Variants in GFPT2 observed in about 807,000 individuals in gnomAD.
GFPT2 encodes the protein glutamine--fructose-6-phosphate transaminase 2.
In GFPT2, 62 loss-of-function variants were observed where a neutral mutation model predicts 85.6. The observed-to-expected ratio is 0.72, with a 90% CI of 0.59 to 0.90. The LOEUF (loss-of-function observed/expected upper bound fraction) is 0.90. Ranked by LOEUF, GFPT2 falls within the 40% of genes least tolerant of loss-of-function variation. GFPT2 has a pLI of 0.00. For missense variants in GFPT2, 788 were observed against 893.4 expected (o/e 0.88, Z 1.50); for synonymous variants, 368 against 344.5 (o/e 1.07, Z -0.75).
In GFPT2 at chr5:180,328,404, C is replaced by T; in HGVS notation, c.535-66G>A. Reference sequence around the variant, plus strand: ...GCCGCTGCTGCAGCCTGGCCACAGCCCAGGTGCGTCTCCCTGGGCCCCTCC... The same window carrying T: ...GCCGCTGCTGCAGCCTGGCCACAGCTCAGGTGCGTCTCCCTGGGCCCCTCC... On this transcript the variant is annotated intron_variant, in intron 6 of 18. Coordinates refer to ENST00000253778, the MANE Select transcript of GFPT2 (RefSeq NM_005110.4). This position sits in a 1 kb window ranked among gnomAD's most constrained non-coding sequence, Gnocchi z 5.4. 7.9e-7 allele frequency: 1 copy of T among 1,273,240 alleles called. No individual in the cohort carries two copies. The highest frequency in any genetic ancestry group is 2.3e-5 in the East Asian group (1 of 43,294). The allele number at this position is 1,273,240 out of a possible 1,614,324, so 78.9% of individuals were successfully genotyped here. A position where few individuals can be genotyped will look rare whatever the true frequency, so the allele number is the denominator to read the frequency against.
At chr5:180,314,446 A>G (rs116018344) in intron 13 of GFPT2, among the ~76,000 whole-genome samples, 1,761 of 152,348 alleles carry the variant, frequency 0.012, 30 homozygotes, top group African/African-American at 0.04. Flanking sequence ...CAAGCCTCTC[A>G]GTGTGGACTC....
At chr5:180,350,054 C>G (rs1034588902) in intron 1 of GFPT2, among the ~76,000 whole-genome samples, 1 of 152,134 alleles carries the variant, frequency 6.6e-6, no homozygotes, top group East Asian at 1.9e-4. Flanking sequence ...CTGCCACCCC[C>G]TCCTCTCTGC....
At position 180,330,741 on chromosome 5, in the gene GFPT2, T is replaced by C; in HGVS notation, c.493A>G (p.Ile165Val). 2 of 1,613,208 alleles carry C rather than the reference T, an allele frequency of 1.2e-6. No homozygotes were observed. The highest frequency in any genetic ancestry group is 1.7e-6 in the Non-Finnish European group (2 of 1,179,096). ...YVFDNRETED[I>V]TFSTLVERVI... ...CTCTCGACCAACGTTGAAAACGTAA[T>C]GTCCTCAGTTTCTCTGTTGTCGAAC... The change falls in exon 6 of 19, where the codon ATT (isoleucine) becomes GTT (valine). Residue 165 changes from isoleucine (I) to valine (V), a missense_variant. By Grantham distance (29) the Ile-to-Val change is conservative (BLOSUM62 3). Transcript: ENST00000253778. The surrounding 1 kb of genome is among the most constrained non-coding windows in gnomAD (Gnocchi z 4.4).
intron 17 of GFPT2, among the ~76,000 whole-genome samples, chr5:180,304,262 C>G (rs1279316164): frequency 6.6e-6 from 1 of 152,198 alleles, no homozygotes; most frequent in East Asian, 1.9e-4. Context: ...CTCCTGAGTT[C>G]TATGGGTCGT....
intron 3 of GFPT2, 138 bp from the exon 4 acceptor site, chr5:180,336,091 C>A (rs1764389030): frequency 1.1e-5 from 8 of 730,036 alleles, no homozygotes; most frequent in Non-Finnish European, 1.8e-5. Context: ...CCCTGGGAGT[C>A]CGCGCAGGCC....
intron 4 of GFPT2, among the ~76,000 whole-genome samples, chr5:180,332,387 T>C (rs1764321172): frequency 6.6e-6 from 1 of 152,184 alleles, no homozygotes; most frequent in Admixed American, 6.5e-5. Context: ...GGCAAGTAGC[T>C]CCGTTTCCCT....
chr5:180,336,705 A>G (rs1764408468), intron 2 of GFPT2, 128 bp from the exon 3 acceptor site: 1 of 715,854 alleles, frequency 1.4e-6, no homozygotes, highest in South Asian at 1.6e-5. Context: ...AGAGCTGTAC[A>G]GTTTTCAGGA....
At chr5:180,327,941 C>T (rs1764238704) in intron 7 of GFPT2, among the ~76,000 whole-genome samples, 1 of 152,196 alleles carries the variant, frequency 6.6e-6, no homozygotes, top group Admixed American at 6.5e-5. Flanking sequence ...GGGGGGCCCA[C>T]ATTGTACAGG....
intron 1 of GFPT2, among the ~76,000 whole-genome samples, chr5:180,342,076 A>T (rs1308588762): frequency 6.6e-6 from 1 of 152,048 alleles, no homozygotes; most frequent in Non-Finnish European, 1.5e-5. Flanking sequence ...GGTTTTATAA[A>T]GGGGAGCTTC....
intron 1 of GFPT2, among the ~76,000 whole-genome samples, chr5:180,349,030 G>A (rs1171892414): frequency 2.0e-5 from 3 of 150,308 alleles, no homozygotes; most frequent in Non-Finnish European, 4.4e-5. Context: ...GTGAGTCCCC[G>A]TGCCCGGCCA....
chr5:180,353,311 CTCCGT>C lies in GFPT2; in HGVS notation c.-99_-95del, dbSNP rs1412720877. The C allele has an allele frequency of 2.8e-5, 27 of 970,130 alleles. No homozygotes were observed. In the African/African-American group the frequency reaches 2.9e-4, roughly 10 times the overall value. The allele number at this position is 970,130 out of a possible 1,614,324, so 60.1% of individuals were successfully genotyped here. On this transcript the variant is annotated 5_prime_UTR_variant, in exon 1 of 19. Transcript: ENST00000253778. ...TGGGCTCCTCCGTGGGCTCCGTGGG[CTCCGT>C]GGGCTCCGCGGGCTCCAGCTCCCGT...
chr5:180,310,864 A>AT (rs1366441356), intron 15 of GFPT2, among the ~76,000 whole-genome samples: 6 of 129,028 alleles, frequency 4.7e-5, no homozygotes, highest in East Asian at 2.3e-4. Context: ...AAAAAAAAAA[A>AT]TTTTTAGTAT....
chr5:180,322,964 G>A (rs889129968), intron 9 of GFPT2, among the ~76,000 whole-genome samples: 55 of 151,082 alleles, frequency 3.6e-4, no homozygotes, highest in Non-Finnish European at 3.7e-4. Flanking sequence ...GAACCCAGGA[G>A]GCGGAGCTTG....
chr5:180,329,481 T>C (rs946479890), intron 6 of GFPT2, among the ~76,000 whole-genome samples: 6 of 152,150 alleles, frequency 3.9e-5, no homozygotes, highest in Admixed American at 6.5e-5. Flanking sequence ...AAAATAAAAA[T>C]GGAAAAGAAG....
chr5:180,336,536 GTCTT>G lies in GFPT2; in HGVS notation c.153_156del (p.Glu51AspfsTer27), dbSNP rs1417470261. ...CCCCTTTTCTTGACCAGCTGAATGT[GTCTT>G]TCTTTGACTTCGTGATTATTCCCAT... On this transcript the variant is annotated frameshift_variant, in exon 3 of 19. Transcript: ENST00000253778. LOFTEE classifies it high-confidence loss of function. 1.9e-6 allele frequency: 3 copies of G among 1,612,014 alleles called. No individual in the cohort carries two copies. The highest frequency in any genetic ancestry group is 2.2e-5 in the East Asian group (1 of 44,868).
intron 9 of GFPT2, among the ~76,000 whole-genome samples, chr5:180,321,631 T>C (rs7707082): frequency 0.19 from 28,987 of 152,292 alleles, 3,012 homozygotes; most frequent in East Asian, 0.36. Flanking sequence ...AGCTGGACAG[T>C]GTGCTCACAT....
rs1455368706 is a variant in GFPT2 at position 180,330,321 on chromosome 5, CAA to C, written c.534+377_534+378del. On this transcript the variant is annotated intron_variant, in intron 6 of 18. Coordinates refer to ENST00000253778, the MANE Select transcript of GFPT2 (RefSeq NM_005110.4). The surrounding 1 kb of genome is among the most constrained non-coding windows in gnomAD (Gnocchi z 4.4). ...TGTGCAACAGAGTGAGACTCTGTCTCAAAAAAGAAAAACCTAGAAACACATCC... is the reference window on the plus strand; with the variant it reads ...TGTGCAACAGAGTGAGACTCTGTCTCAAAAGAAAAACCTAGAAACACATCC... Among the ~76,000 whole-genome samples the C allele has an allele frequency of 6.6e-6, 1 of 152,028 alleles. No individual in the cohort carries two copies.
chr5:180,322,732 T>A (rs1360876414), intron 9 of GFPT2, among the ~76,000 whole-genome samples: 9 of 151,890 alleles, frequency 5.9e-5, no homozygotes, highest in Non-Finnish European at 1.3e-4. Context: ...TCATGCCTTT[T>A]TTTTAAAAAA....
intron 14 of GFPT2, among the ~76,000 whole-genome samples, chr5:180,313,115 G>A (rs940751967): frequency 2.8e-4 from 43 of 151,448 alleles, no homozygotes; most frequent in African/African-American, 9.2e-4. Context: ...GCCCGGGGCG[G>A]TCTGGAACTC....
Sources: gnomAD v4.1 joint callset for allele counts (sites outside exome capture counted in the v4.1 genomes callset) on GRCh38, gnomAD v4.1.1 for gene constraint, Gnocchi (gnomAD v3.1) non-coding constraint, MANE v1.5 for transcripts, NCBI Gene and HGNC (gene_info 2026-07-23, HGNC 2026-07-21) for gene names.